LDLRAD3: variants seen among roughly 807,000 people sequenced by gnomAD.
LDLRAD3 encodes low-density lipoprotein receptor class A domain-containing protein 3.
Under a neutral mutation model 29.4 loss-of-function variants are expected in LDLRAD3, and 20 were observed. The observed-to-expected ratio is 0.68, with a 90% CI of 0.48 to 0.99. The LOEUF (loss-of-function observed/expected upper bound fraction) is 0.99, where lower values mean the gene tolerates loss of function less well. Among genes scored for constraint, LDLRAD3 ranks in the 50% least tolerant of loss-of-function variants. The pLI, the probability that LDLRAD3 is intolerant of heterozygous loss-of-function variation, is 0.00. For missense variants in LDLRAD3, 420 were observed against 454.3 expected, an observed-to-expected ratio of 0.92 and a Z score of 0.69; for synonymous variants, 157 against 192.7, an observed-to-expected ratio of 0.81 and a Z score of 1.53.
chr11:36,033,365 A>G (rs1367408365), intron 1 of LDLRAD3, among the ~76,000 whole-genome samples: 1 of 152,184 alleles, frequency 6.6e-6, no homozygotes, highest in Non-Finnish European at 1.5e-5. Context: ...CCTGTGTGTA[A>G]CAGACATGGT....
At chr11:35,975,350 C>T (rs73448425) in intron 1 of LDLRAD3, among the ~76,000 whole-genome samples, 7,688 of 152,256 alleles carry the variant, frequency 0.05, 610 homozygotes, top group African/African-American at 0.17. Context: ...TAATAGCAAA[C>T]AGCAGTAATA....
chr11:36,085,608 A>AT (rs1191780547), intron 3 of LDLRAD3, among the ~76,000 whole-genome samples: 6 of 151,612 alleles, frequency 4.0e-5, no homozygotes, highest in Middle Eastern at 3.4e-3. Context: ...GTGAGTTTTT[A>AT]TTTTTTTATA....
intron 4 of LDLRAD3, among the ~76,000 whole-genome samples, chr11:36,199,586 C>T (rs1189975954): frequency 1.5e-5 from 2 of 131,814 alleles, no homozygotes; most frequent in African/African-American, 5.2e-5. Flanking sequence ...CACACACACA[C>T]ACGCACGCAC....
chr11:36,219,955 A>G (rs1304751047), intron 4 of LDLRAD3, among the ~76,000 whole-genome samples: 10 of 152,256 alleles, frequency 6.6e-5, no homozygotes, highest in Admixed American at 6.5e-4. Flanking sequence ...CAGAACATAT[A>G]AAATGCTCTT....
chr11:36,051,412 A>G (rs1489677891), intron 2 of LDLRAD3, among the ~76,000 whole-genome samples: 1 of 152,206 alleles, frequency 6.6e-6, no homozygotes, highest in Non-Finnish European at 1.5e-5. Flanking sequence ...GATCCTGGGC[A>G]AGTTACTTAA....
At chr11:36,143,977 G>A (rs1254798248) in intron 4 of LDLRAD3, among the ~76,000 whole-genome samples, 3 of 129,574 alleles carry the variant, frequency 2.3e-5, no homozygotes, top group Non-Finnish European at 3.2e-5. Flanking sequence ...CTCTGATGCC[G>A]AGCCGAAGCT....
intron 1 of LDLRAD3, among the ~76,000 whole-genome samples, chr11:36,007,430 C>A (rs1851899190): frequency 6.6e-6 from 1 of 152,124 alleles, no homozygotes; most frequent in Non-Finnish European, 1.5e-5. Flanking sequence ...TTAGAACCTG[C>A]TTCTGGGACC....
At chr11:35,980,860 C>T (rs1321646834) in intron 1 of LDLRAD3, among the ~76,000 whole-genome samples, 3 of 152,084 alleles carry the variant, frequency 2.0e-5, no homozygotes, top group South Asian at 2.1e-4. Context: ...ATGTCAATTG[C>T]CCAGTGTTTA....
chr11:36,089,575 G>A (rs1853246760), intron 3 of LDLRAD3, among the ~76,000 whole-genome samples: 1 of 151,998 alleles, frequency 6.6e-6, no homozygotes, highest in Non-Finnish European at 1.5e-5. Context: ...TTACAGGCGT[G>A]TGCCACAAAG....
chr11:35,963,434 T>G (rs1421197160), intron 1 of LDLRAD3, among the ~76,000 whole-genome samples: 4 of 55,828 alleles, frequency 7.2e-5, no homozygotes, highest in Non-Finnish European at 1.2e-4. Flanking sequence ...TGTGTGTGTG[T>G]TTTTTTTTTT....
At chr11:36,163,101 G>A (rs1854466499) in intron 4 of LDLRAD3, among the ~76,000 whole-genome samples, 1 of 152,246 alleles carries the variant, frequency 6.6e-6, no homozygotes. Context: ...AGCAGAAAAA[G>A]CAATGCAAAC....
At chr11:36,114,070 AGCCACAGTCTTT>A (rs1368306428) in intron 4 of LDLRAD3, among the ~76,000 whole-genome samples, 2 of 152,250 alleles carry the variant, frequency 1.3e-5, no homozygotes, top group Non-Finnish European at 2.9e-5. Flanking sequence ...GGGATTGATT[AGCCACAGTCTTT>A]GCCACAGACT....
At chr11:36,002,899 C>T (rs59406457) in intron 1 of LDLRAD3, among the ~76,000 whole-genome samples, 2,558 of 152,306 alleles carry the variant, frequency 0.017, 73 homozygotes, top group African/African-American at 0.058. Context: ...TATGTAAGAA[C>T]AGCTATTTCC....
At chr11:35,945,646 A>G (rs1246580481) in intron 1 of LDLRAD3, among the ~76,000 whole-genome samples, 1 of 152,180 alleles carries the variant, frequency 6.6e-6, no homozygotes, top group Non-Finnish European at 1.5e-5. Context: ...TGGATTCACA[A>G]ATTCAATCTG....
At chr11:36,016,407 C>T (rs554240100) in intron 1 of LDLRAD3, among the ~76,000 whole-genome samples, 3 of 152,314 alleles carry the variant, frequency 2.0e-5, no homozygotes, top group African/African-American at 7.2e-5. Context: ...TTCTCTTGTG[C>T]TTTAAGGAAT....
At chr11:36,189,259 G>C (rs1854902278) in intron 4 of LDLRAD3, among the ~76,000 whole-genome samples, 1 of 152,158 alleles carries the variant, frequency 6.6e-6, no homozygotes, top group Admixed American at 6.5e-5. Context: ...GCTGAGGTGA[G>C]TGAATCACTT....
intron 4 of LDLRAD3, among the ~76,000 whole-genome samples, chr11:36,134,321 A>G (rs996597437): frequency 3.3e-5 from 5 of 152,220 alleles, no homozygotes; most frequent in Non-Finnish European, 5.9e-5. Flanking sequence ...GTCTGTTGTC[A>G]TTAGGTATTA....
At chr11:36,151,027 G>T (rs1051461962) in intron 4 of LDLRAD3, among the ~76,000 whole-genome samples, 2 of 152,114 alleles carry the variant, frequency 1.3e-5, no homozygotes, top group African/African-American at 4.8e-5. Context: ...GGTCTGATCT[G>T]TTCACCACAT....
At chr11:36,160,860 TC>T (rs1590320338) in intron 4 of LDLRAD3, among the ~76,000 whole-genome samples, 2 of 150,622 alleles carry the variant, frequency 1.3e-5, no homozygotes, top group East Asian at 2.2e-4. Context: ...AATGGCGCAA[TC>T]TGGGCTCACT....
Sources: gnomAD v4.1 joint callset for allele counts (sites outside exome capture counted in the v4.1 genomes callset) on GRCh38, gnomAD v4.1.1 for gene constraint, MANE v1.5 for transcripts, NCBI Gene and HGNC (gene_info 2026-07-23, HGNC 2026-07-21) for gene names.